DNAH1: variants seen among roughly 807,000 people sequenced by gnomAD.
DNAH1 encodes axonemal beta dynein heavy chain 1.
Under a neutral mutation model 484.3 loss-of-function variants are expected in DNAH1, and 327 were observed. That is an observed-to-expected ratio of 0.68 (90% CI 0.62 to 0.74). DNAH1 has a LOEUF of 0.74. DNAH1 is among the 30% of genes least tolerant of loss of function. The pLI is 0.00. For synonymous variants in DNAH1, 2,192 were observed against 2,191.9 expected (o/e 1.00, Z 0.00); for missense variants, 5,052 against 5,546.8 (o/e 0.91, Z 2.83).
intron 8 of DNAH1, among the ~76,000 whole-genome samples, chr3:52,344,152 A>G (rs956352307): frequency 3.3e-5 from 5 of 152,210 alleles, no homozygotes; most frequent in African/African-American, 1.2e-4. Flanking sequence ...GGGGAGGTGC[A>G]GGCTGTGAGT....
intron 60 of DNAH1, among the ~76,000 whole-genome samples, chr3:52,390,231 A>C (rs1235597253): frequency 6.6e-6 from 1 of 152,220 alleles, no homozygotes; most frequent in Non-Finnish European, 1.5e-5. Context: ...TTGGGAGGCC[A>C]AGGCAAGTGG....
At chr3:52,335,151 A>ATT (rs35061562) in intron 8 of DNAH1, among the ~76,000 whole-genome samples, 12 of 80,082 alleles carry the variant, frequency 1.5e-4, no homozygotes, top group Non-Finnish European at 2.2e-4. Context: ...GCAATGTGTG[A>ATT]TTTTTTTTTT....
rs753525141 is a variant in DNAH1 at position 52,397,717 on chromosome 3, C to G, written c.11798C>G (p.Ser3933Cys). Residue 3933 changes from serine (S) to cysteine (C), a missense_variant, in exon 74 of 78, where the codon TCC becomes TGC. By Grantham distance (112) the Ser-to-Cys change is moderately radical. Coordinates refer to ENST00000420323, the MANE Select transcript of DNAH1 (RefSeq NM_015512.5). ...PPTYDLHGYL[S>C]YIKSLPLNDM... ...CCTCCTCTCTCCTAGGGCTACCTCT[C>G]CTACATCAAGAGCCTCCCACTCAAT... is the stretch of plus-strand genomic sequence containing the variant. The G allele has an allele frequency of 6.2e-7, 1 of 1,608,390 alleles. No individual in the cohort carries two copies.
intron 44 of DNAH1, chr3:52,374,851 T>A (rs1487753657): frequency 4.5e-6 from 5 of 1,111,504 alleles, no homozygotes; most frequent in Non-Finnish European, 6.9e-6. Flanking sequence ...GAAGCATGGG[T>A]TAAAATAGAA....
rs1704195639 is a variant in DNAH1, at chr3:52,388,240, T to C, written c.9077T>C (p.Ile3026Thr). 1.9e-6 allele frequency: 3 copies of C among 1,606,666 alleles called. No individual in the cohort carries two copies. Among genetic ancestry groups the C allele is most frequent in the Non-Finnish European group, 2.5e-6 (3 of 1,176,718 alleles). Reference sequence around the variant, plus strand: ...AATGAAGAGTTCCAGCCAGCCACCATTGCCAAGGTGTCCAAGGCTTGCACC... The same window carrying C: ...AATGAAGAGTTCCAGCCAGCCACCACTGCCAAGGTGTCCAAGGCTTGCACC... ...IDNEEFQPATIAKVSKACTSI... is the reference protein window; with the variant it reads ...IDNEEFQPATTAKVSKACTSI... The change falls in exon 57 of 78, where the codon ATT becomes ACT. Residue 3026 changes from isoleucine (I) to threonine (T), a missense_variant. Around this residue, in one of 4 missense-constraint regions of DNAH1, gnomAD observed 2,929 missense variants for 3,409.4 expected, o/e 0.86. Transcript: ENST00000420323.
At chr3:52,390,300 A>G (rs60499166) in intron 60 of DNAH1, among the ~76,000 whole-genome samples, 3,315 of 152,218 alleles carry the variant, frequency 0.022, 126 homozygotes, top group African/African-American at 0.076. Context: ...CCCCGTCTCT[A>G]CTAAAAATTC....
In DNAH1 at chr3:52,361,678, G is replaced by C; in HGVS notation, c.4892G>C (p.Cys1631Ser). The change falls in exon 30 of 78, where the codon TGC becomes TCC. Residue 1631 changes from cysteine (C) to serine (S), a missense_variant. Physicochemically the swap from Cys to Ser is moderately radical, Grantham distance 112. Coordinates refer to ENST00000420323, the MANE Select transcript of DNAH1 (RefSeq NM_015512.5). The surrounding 1 kb of genome is among the most constrained non-coding windows in gnomAD (Gnocchi z 5.6). ...TCACTCAGTGCTGGGGCCTGGGCCTGCTTCGACGAGTTCAATCGCATCGAC... is the reference window on the plus strand; with the variant it reads ...TCACTCAGTGCTGGGGCCTGGGCCTCCTTCGACGAGTTCAATCGCATCGAC... ...KGLASAGAWA[C>S]FDEFNRIDIE... 1 of 1,607,928 alleles carries C rather than the reference G, an allele frequency of 6.2e-7. No homozygotes were observed. The highest frequency in any genetic ancestry group is 8.5e-7 in the Non-Finnish European group (1 of 1,177,428).
rs1392367136 is a variant in DNAH1, at chr3:52,383,900, C to T, written c.8191C>T (p.Pro2731Ser). 6.2e-7 allele frequency: 1 copy of T among 1,610,140 alleles called. No individual in the cohort carries two copies. The highest frequency in any genetic ancestry group is 2.2e-5 in the East Asian group (1 of 44,784). The change falls in exon 52 of 78, where the codon CCC becomes TCC. Residue 2731 changes from proline to serine, a missense_variant. Physicochemically the swap from Pro to Ser is moderately conservative, Grantham distance 74 (BLOSUM62 -1). Around this residue, in one of 4 missense-constraint regions of DNAH1, gnomAD observed 2,929 missense variants for 3,409.4 expected, o/e 0.86. Transcript: ENST00000420323. The stretch of plus-strand genomic sequence containing the variant: ...CTTCCGAGCTCGTCTGAGGCAGTTT[C>T]CCTCCCTGGTCAACTGCTGTACCAT... Reference protein sequence around the residue: ...EVFRARLRQFPSLVNCCTIDW... With the variant: ...EVFRARLRQFSSLVNCCTIDW...
rs1466123638 is a variant in DNAH1, at chr3:52,360,023, G to A, written c.4515G>A (p.Lys1505=). ...IEVHAKDVVS[K]LIQENVVSVN... ...TCCATGCCAAGGACGTGGTGAGCAA[G>A]CTAATCCAGGAGAACGTGGTCAGCG... Residue 1505 remains lysine, a synonymous_variant, in exon 27 of 78, where the codon AAG becomes AAA. Coordinates refer to ENST00000420323, the MANE Select transcript of DNAH1 (RefSeq NM_015512.5). 2.6e-5 allele frequency: 42 copies of A among 1,613,970 alleles called. No homozygotes were observed. Among genetic ancestry groups the A allele is most frequent in the Non-Finnish European group, 3.4e-5 (40 of 1,179,902 alleles).
chr3:52,352,168 G>A, intron 17 of DNAH1, 65 bp downstream of exon 17: 1 of 1,530,384 alleles, frequency 6.5e-7, no homozygotes, highest in Non-Finnish European at 8.8e-7. Context: ...CAGTTCTCCA[G>A]GGCCTGGCCT....
At chr3:52,385,007 G>T (rs1704037527) in intron 53 of DNAH1, 30 bp downstream of exon 53, 1 of 1,594,474 alleles carries the variant, frequency 6.3e-7, no homozygotes, top group African/African-American at 1.3e-5. Flanking sequence ...CGTGGACAAG[G>T]TCAGCTGCCT....
Position 52,355,061 on chromosome 3 carries a change from C to T in DNAH1, c.3693+6C>T. 2.5e-6 allele frequency: 4 copies of T among 1,612,650 alleles called. No individual in the cohort carries two copies. Among genetic ancestry groups the T allele is most frequent in the Non-Finnish European group, 3.4e-6 (4 of 1,179,814 alleles). ...ACAAACTGAAGCTGACCCAGGTCGG[C>T]CCTCCCCCCAGTCCTTCCCTCATCG... On this transcript the variant is annotated splice_donor_region_variant and intron_variant, in intron 21 of 77. Transcript: ENST00000420323. This position sits in a 1 kb window ranked among gnomAD's most constrained non-coding sequence, Gnocchi z 4.5.
intron 34 of DNAH1, 82 bp downstream of exon 34, chr3:52,365,101 A>T: frequency 6.6e-7 from 1 of 1,512,162 alleles, no homozygotes; most frequent in Non-Finnish European, 8.9e-7. Flanking sequence ...GAGACAGGAC[A>T]GTCCAACCCC....
intron 41 of DNAH1, among the ~76,000 whole-genome samples, chr3:52,371,430 C>A (rs1016929696): frequency 2.6e-5 from 4 of 152,232 alleles, no homozygotes; most frequent in Non-Finnish European, 5.9e-5. Context: ...AGTGATCCCC[C>A]CATCAGGGGA....
intron 36 of DNAH1, 103 bp downstream of exon 36, chr3:52,366,990 C>A: frequency 7.2e-7 from 1 of 1,380,200 alleles, no homozygotes; most frequent in South Asian, 1.4e-5. Flanking sequence ...GAAGGCCGGG[C>A]TCTGCAGCCC....
At position 52,323,757 on chromosome 3, in the gene DNAH1, C is replaced by T. The variant is rs1578068134; in HGVS notation, c.334-51C>T. The T allele has an allele frequency of 9.4e-6, 14 of 1,488,430 alleles. No homozygotes were observed. The South Asian group carries it at 1.7e-4, about 18-fold the overall frequency. 92.2% of individuals were successfully genotyped at this position (1,488,430 alleles called of 1,614,324 possible). On this transcript the variant is annotated intron_variant, in intron 2 of 77. Transcript: ENST00000420323. ...GGCTCGGGGTCCCTCCCGGGTCCTG[C>T]CTGTCCCTGGGAGGTTGACACATAC...
Position 52,366,854 on chromosome 3 carries a change from T to C in DNAH1, c.5732T>C (p.Leu1911Pro). ...CCCAAGTCCATCACGATGGGCCAGCTGTACGGGGAGTTTGACCTCCTCACC... is the reference window on the plus strand; with the variant it reads ...CCCAAGTCCATCACGATGGGCCAGCCGTACGGGGAGTTTGACCTCCTCACC... ...LNPKSITMGQ[L>P]YGEFDLLTHE... Residue 1911 changes from leucine to proline, a missense_variant, in exon 36 of 78, where the codon CTG becomes CCG. Physicochemically the swap from Leu to Pro is moderately conservative, Grantham distance 98. Around this residue, in one of 4 missense-constraint regions of DNAH1, gnomAD observed 2,929 missense variants for 3,409.4 expected, o/e 0.86. Transcript: ENST00000420323. 1 of 1,613,844 alleles carries C rather than the reference T, an allele frequency of 6.2e-7. No individual in the cohort carries two copies. The highest frequency in any genetic ancestry group is 8.5e-7 in the Non-Finnish European group (1 of 1,179,804).
At chr3:52,388,960 T>C in intron 59 of DNAH1, 23 bp downstream of exon 59, 5 of 1,568,946 alleles carry the variant, frequency 3.2e-6, no homozygotes, top group Non-Finnish European at 4.3e-6. Context: ...CACCTCTGTC[T>C]CTGACCAGCC....
In DNAH1 at chr3:52,381,828, C is replaced by T; in HGVS notation, c.7797C>T (p.Ala2599=). 1 of 1,594,258 alleles carries T rather than the reference C, an allele frequency of 6.3e-7. No individual in the cohort carries two copies. The highest frequency in any genetic ancestry group is 8.5e-7 in the Non-Finnish European group (1 of 1,170,898). The part of the protein sequence containing the change: ...GSGRSSLTRL[A]SHMAEYECFQ... ...GCCGCAGCTCCCTCACAAGGCTCGC[C>T]TCGCACATGTGAGCGCCTCCAGGGC... Residue 2599 remains alanine (A), a synonymous_variant, in exon 49 of 78, where the codon GCC becomes GCT. Coordinates refer to ENST00000420323, the MANE Select transcript of DNAH1 (RefSeq NM_015512.5). The surrounding 1 kb of genome is among the most constrained non-coding windows in gnomAD (Gnocchi z 4.1).
Sources: allele counts gnomAD v4.1 joint callset (sites outside exome capture counted in the v4.1 genomes callset), GRCh38; gene constraint gnomAD v4.1.1; regional missense constraint gnomAD v4.1.1; non-coding constraint Gnocchi (gnomAD v3.1); transcripts MANE v1.5; gene names NCBI Gene and HGNC (gene_info 2026-07-23, HGNC 2026-07-21).